Variants in NTM observed in about 807,000 individuals in gnomAD.
The protein encoded by NTM is neurotrimin.
In NTM, 13 loss-of-function variants were observed where a neutral mutation model predicts 42.1. The observed-to-expected ratio is 0.31, with a 90% CI of 0.20 to 0.49. The LOEUF is 0.49. Ranked by LOEUF, NTM falls within the 20% of genes least tolerant of loss-of-function variation. The probability of loss-of-function intolerance (pLI) is 0.99; values close to 1 mark genes in which losing one functional copy is unlikely to be tolerated. For synonymous variants in NTM, 187 were observed against 179.2 expected (o/e 1.04, Z -0.35); for missense variants, 373 against 452.8 (o/e 0.82, Z 1.60).
chr11:132,193,031 T>A (rs993921125), intron 3 of NTM, among the ~76,000 whole-genome samples: 2 of 152,150 alleles, frequency 1.3e-5, no homozygotes, highest in African/African-American at 4.8e-5. Context: ...CAAAGATATT[T>A]AGATAAACAT....
intron 4 of NTM, among the ~76,000 whole-genome samples, chr11:132,261,866 G>A (rs1244896706): frequency 6.6e-6 from 1 of 152,232 alleles, no homozygotes; most frequent in African/African-American, 2.4e-5. Flanking sequence ...TTTGCACGAA[G>A]TTTAAACTGA....
chr11:132,036,787 G>T (rs1361223980), intron 2 of NTM, among the ~76,000 whole-genome samples: 1 of 152,152 alleles, frequency 6.6e-6, no homozygotes, highest in Non-Finnish European at 1.5e-5. Flanking sequence ...TATTAATTAA[G>T]AATTGATGTG....
chr11:132,028,827 C>G (rs187179899), intron 2 of NTM, among the ~76,000 whole-genome samples: 27 of 152,230 alleles, frequency 1.8e-4, no homozygotes, highest in Non-Finnish European at 1.3e-4. Context: ...CCTTTGCTCT[C>G]CCCCTGCTGG....
At chr11:132,297,402 T>C in intron 4 of NTM, among the ~76,000 whole-genome samples, 1 of 152,304 alleles carries the variant, frequency 6.6e-6, no homozygotes. Context: ...AGGGAAAGCC[T>C]GGCTTCCCTC....
chr11:131,425,691 C>T (rs1334188071), intron 1 of NTM, among the ~76,000 whole-genome samples: 3 of 152,144 alleles, frequency 2.0e-5, no homozygotes, highest in Admixed American at 6.5e-5. Context: ...TGGTTTAAGG[C>T]AAGTCTCTCA....
At chr11:132,008,456 T>C (rs2071323351) in intron 2 of NTM, among the ~76,000 whole-genome samples, 1 of 152,008 alleles carries the variant, frequency 6.6e-6, no homozygotes, top group Non-Finnish European at 1.5e-5. Context: ...TGTATTTACT[T>C]TTTTCTAAGA....
chr11:131,427,790 G>A lies in NTM; in HGVS notation c.82+56902G>A, dbSNP rs140436687. On this transcript the variant is annotated intron_variant, in intron 1 of 8. Coordinates refer to ENST00000683400, the MANE Select transcript of NTM (RefSeq NM_001352005.2). ...TTCTTCAACACAGTTGCTTTGAAGGGTTGGCATGATGGGCCTCCATCCTTG... is the reference window on the plus strand; with the variant it reads ...TTCTTCAACACAGTTGCTTTGAAGGATTGGCATGATGGGCCTCCATCCTTG... Among the ~76,000 whole-genome samples, 542 of 152,314 alleles carry A rather than the reference G, an allele frequency of 3.6e-3. 14 individuals carry two copies. Among genetic ancestry groups the A allele is most frequent in the Non-Finnish European group, 7.5e-4 (51 of 68,026 alleles).
chr11:132,104,244 G>A (rs1264353140), intron 2 of NTM, among the ~76,000 whole-genome samples: 1 of 152,136 alleles, frequency 6.6e-6, no homozygotes, highest in Non-Finnish European at 1.5e-5. Flanking sequence ...AACAGGCTGT[G>A]CCGCATGAGG....
chr11:131,917,224 G>A (rs1592841383), intron 2 of NTM, among the ~76,000 whole-genome samples: 1 of 152,230 alleles, frequency 6.6e-6, no homozygotes, highest in Non-Finnish European at 1.5e-5. Context: ...ATGAATGACT[G>A]CAGGAATGAA....
intron 1 of NTM, among the ~76,000 whole-genome samples, chr11:131,636,575 C>T (rs960969686): frequency 1.3e-5 from 2 of 152,212 alleles, no homozygotes; most frequent in African/African-American, 4.8e-5. Flanking sequence ...GACTGCCTGG[C>T]ATCTGTGAAG....
intron 2 of NTM, among the ~76,000 whole-genome samples, chr11:131,942,454 G>A (rs1028440684): frequency 6.6e-6 from 1 of 152,114 alleles, no homozygotes; most frequent in African/African-American, 2.4e-5. Context: ...GCAGCACCTA[G>A]AACTGCCATG....
At chr11:131,445,883 A>G (rs1221423189) in intron 1 of NTM, among the ~76,000 whole-genome samples, 1 of 152,210 alleles carries the variant, frequency 6.6e-6, no homozygotes, top group Non-Finnish European at 1.5e-5. Context: ...AACGGTGCTC[A>G]TTAATTGACA....
In NTM at chr11:132,287,076, A is replaced by G. The variant is rs552528859; in HGVS notation, c.527-20613A>G. Among the ~76,000 whole-genome samples, 86 of 152,134 alleles carry G rather than the reference A, an allele frequency of 5.7e-4. 1 individual carries two copies. Among genetic ancestry groups the G allele is most frequent in the Middle Eastern group, 6.8e-3 (2 of 294 alleles). On this transcript the variant is annotated intron_variant, in intron 4 of 8. Coordinates refer to ENST00000683400, the MANE Select transcript of NTM (RefSeq NM_001352005.2). ...CAAAATATTTTCTAGACCATTTGAG[A>G]CCCCTCAGGCTGTCGATGGCAGAGA...
chr11:132,252,529 A>G (rs1197903800), intron 4 of NTM, among the ~76,000 whole-genome samples: 1 of 152,192 alleles, frequency 6.6e-6, no homozygotes, highest in Non-Finnish European at 1.5e-5. Context: ...TTCCATGGGG[A>G]AGCCTGGAAG....
chr11:131,936,011 T>TTATATATATATATATATATA (rs559967974), intron 2 of NTM, among the ~76,000 whole-genome samples: 8 of 151,828 alleles, frequency 5.3e-5, no homozygotes, highest in African/African-American at 1.7e-4. Context: ...CATGGAAATT[T>TTATATATATATATATATATA]TATATATATA....
intron 1 of NTM, among the ~76,000 whole-genome samples, chr11:131,636,146 G>T (rs1260738548): frequency 6.6e-6 from 1 of 152,132 alleles, no homozygotes; most frequent in Non-Finnish European, 1.5e-5. Context: ...ACGCCTATGG[G>T]CAACAATTGA....
At chr11:131,894,515 T>A (rs1377737538) in intron 1 of NTM, among the ~76,000 whole-genome samples, 1 of 152,132 alleles carries the variant, frequency 6.6e-6, no homozygotes, top group Non-Finnish European at 1.5e-5. Context: ...TGGAGGCAGT[T>A]CTATTGAAAC....
chr11:132,203,511 C>CT (rs554395124), intron 3 of NTM, among the ~76,000 whole-genome samples: 18 of 152,172 alleles, frequency 1.2e-4, no homozygotes, highest in Non-Finnish European at 2.4e-4. Context: ...GCTTAGGGTT[C>CT]TTTTTTTATC....
chr11:132,106,269 T>A lies in NTM; in HGVS notation c.168-40013T>A, dbSNP rs2062364654. ...GGAGTGATACCAACACGGCTCCCTC[T>A]CTTCCCGCCCTCTCTTTCCTTTGCC... On this transcript the variant is annotated intron_variant, in intron 2 of 8. Transcript: ENST00000683400. Among the ~76,000 whole-genome samples, 2 of 152,240 alleles carry A rather than the reference T, an allele frequency of 1.3e-5. 1 individual carries two copies. The highest frequency in any genetic ancestry group is 1.3e-4 in the Admixed American group (2 of 15,284).
Sources: allele counts gnomAD v4.1 joint callset (sites outside exome capture counted in the v4.1 genomes callset), GRCh38; gene constraint gnomAD v4.1.1; transcripts MANE v1.5; gene names NCBI Gene and HGNC (gene_info 2026-07-23, HGNC 2026-07-21).